The following NRXN1 variants were observed in gnomAD, a reference collection of about 807,000 sequenced individuals.
NRXN1 encodes the protein neurexin 1.
In NRXN1, 39 loss-of-function variants were observed where a neutral mutation model predicts 150.9. The observed-to-expected ratio is 0.26, with a 90% CI of 0.20 to 0.34. The LOEUF is 0.34. Among genes scored for constraint, NRXN1 ranks in the 10% least tolerant of loss-of-function variants. The pLI, the probability that NRXN1 is intolerant of heterozygous loss-of-function variation, is 1.00. For synonymous variants in NRXN1, 924 were observed against 757.0 expected, an observed-to-expected ratio of 1.22 and a Z score of -3.62; for missense variants, 1,815 against 1,949.9, an observed-to-expected ratio of 0.93 and a Z score of 1.30.
intron 5 of NRXN1, among the ~76,000 whole-genome samples, chr2:50,635,562 G>A (rs566347866): frequency 6.6e-6 from 1 of 152,238 alleles, no homozygotes; most frequent in East Asian, 1.9e-4. Flanking sequence ...CAAGTCTGAT[G>A]CATACAAAGT....
chr2:50,621,894 G>T (rs372328576), intron 6 of NRXN1, among the ~76,000 whole-genome samples: 1 of 152,080 alleles, frequency 6.6e-6, no homozygotes, highest in Non-Finnish European at 1.5e-5. Flanking sequence ...CATGCACCCC[G>T]GCTGTATAAC....
intron 17 of NRXN1, among the ~76,000 whole-genome samples, chr2:50,273,853 G>A (rs769525402): frequency 2.6e-5 from 4 of 152,032 alleles, no homozygotes; most frequent in Non-Finnish European, 5.9e-5. Context: ...TTAGAATGGC[G>A]ATCATTAAAA....
At chr2:50,417,862 A>C (rs895576818) in intron 17 of NRXN1, among the ~76,000 whole-genome samples, 3 of 152,068 alleles carry the variant, frequency 2.0e-5, no homozygotes, top group African/African-American at 7.2e-5. Context: ...AGAGAAGTAT[A>C]AAATGTAAAG....
intron 5 of NRXN1, among the ~76,000 whole-genome samples, chr2:50,889,464 T>C (rs902140633): frequency 6.6e-6 from 1 of 151,762 alleles, no homozygotes; most frequent in African/African-American, 2.4e-5. Context: ...AAAAGTAATT[T>C]GTTTCCCATC....
chr2:50,239,376 T>C (rs2065773614), intron 17 of NRXN1, among the ~76,000 whole-genome samples: 1 of 151,462 alleles, frequency 6.6e-6, no homozygotes, highest in East Asian at 2.0e-4. Context: ...CTAGAGATGC[T>C]ATTTAATGAT....
intron 5 of NRXN1, among the ~76,000 whole-genome samples, chr2:50,753,214 G>A (rs1022893895): frequency 6.6e-6 from 1 of 151,586 alleles, no homozygotes; most frequent in South Asian, 2.1e-4. Flanking sequence ...GTTCTATTAG[G>A]GTTTTCAATA....
At chr2:50,225,557 C>A (rs2064292667) in intron 18 of NRXN1, among the ~76,000 whole-genome samples, 1 of 151,630 alleles carries the variant, frequency 6.6e-6, no homozygotes, top group Non-Finnish European at 1.5e-5. Context: ...CCCTAGGGGA[C>A]AAAGGAAGGT....
intron 17 of NRXN1, among the ~76,000 whole-genome samples, chr2:50,329,611 GTGTGTGTATATATATATA>G (rs1558536013): frequency 8.9e-5 from 2 of 22,496 alleles, no homozygotes; most frequent in African/African-American, 4.0e-4. Flanking sequence ...GTGTGTGTGT[GTGTGTGTATATATATATA>G]TATATATATA....
chr2:50,938,076 T>C (rs1257942367), intron 2 of NRXN1, among the ~76,000 whole-genome samples: 1 of 152,150 alleles, frequency 6.6e-6, no homozygotes, highest in Non-Finnish European at 1.5e-5. Flanking sequence ...ATATGATTTT[T>C]TTTTTAATGG....
At chr2:50,789,244 T>C (rs1403191670) in intron 5 of NRXN1, among the ~76,000 whole-genome samples, 1 of 152,162 alleles carries the variant, frequency 6.6e-6, no homozygotes, top group Non-Finnish European at 1.5e-5. Context: ...TTCTTCCACA[T>C]ATAGGCAACA....
chr2:50,185,206 G>A (rs1231867265), intron 18 of NRXN1, among the ~76,000 whole-genome samples: 1 of 152,084 alleles, frequency 6.6e-6, no homozygotes, highest in Non-Finnish European at 1.5e-5. Context: ...TTAGATCTGA[G>A]TTGAATGCAT....
At chr2:50,299,803 C>T (rs2073987166) in intron 17 of NRXN1, among the ~76,000 whole-genome samples, 1 of 152,100 alleles carries the variant, frequency 6.6e-6, no homozygotes, top group African/African-American at 2.4e-5. Context: ...TAAATAAAAC[C>T]TATTTCCTTA....
chr2:49,977,652 G>A (rs986190903), intron 21 of NRXN1, among the ~76,000 whole-genome samples: 89 of 152,186 alleles, frequency 5.8e-4, no homozygotes, highest in African/African-American at 2.1e-3. Context: ...TGAGGATGAA[G>A]AGATGGGAGG....
intron 21 of NRXN1, among the ~76,000 whole-genome samples, chr2:49,998,748 T>C (rs368769720): frequency 3.9e-5 from 6 of 152,186 alleles, no homozygotes; most frequent in East Asian, 1.9e-4. Flanking sequence ...CAGAGACCCT[T>C]AGGGATTGCT....
chr2:50,531,928 C>A (rs994109874), intron 10 of NRXN1, among the ~76,000 whole-genome samples: 1 of 152,082 alleles, frequency 6.6e-6, no homozygotes, highest in Non-Finnish European at 1.5e-5. Context: ...TCACTGCAGC[C>A]ATGACCTCCT....
At chr2:51,000,565 A>G (rs993125681) in intron 2 of NRXN1, among the ~76,000 whole-genome samples, 2 of 151,966 alleles carry the variant, frequency 1.3e-5, no homozygotes, top group Non-Finnish European at 2.9e-5. Context: ...GTAAAAAATA[A>G]TGAAACAATT....
intron 8 of NRXN1, among the ~76,000 whole-genome samples, chr2:50,566,895 C>T (rs1299938394): frequency 1.3e-5 from 2 of 152,062 alleles, no homozygotes; most frequent in African/African-American, 2.4e-5. Flanking sequence ...ATCATCATGC[C>T]TTTCGTGTAT....
At chr2:51,017,441 T>G (rs531024248) in intron 2 of NRXN1, among the ~76,000 whole-genome samples, 2 of 140,046 alleles carry the variant, frequency 1.4e-5, no homozygotes. Context: ...GATCAAGCAA[T>G]CTTCACACCT....
At chr2:50,139,573 T>C (rs1706958842) in intron 18 of NRXN1, among the ~76,000 whole-genome samples, 1 of 152,004 alleles carries the variant, frequency 6.6e-6, no homozygotes, top group South Asian at 2.1e-4. Flanking sequence ...AGCTTACCAG[T>C]AACATCAAGC....
Sources: allele counts gnomAD v4.1 joint callset (sites outside exome capture counted in the v4.1 genomes callset), GRCh38; gene constraint gnomAD v4.1.1; transcripts MANE v1.5; gene names NCBI Gene and HGNC (gene_info 2026-07-23, HGNC 2026-07-21).